Variants in KIR3DL2 observed in about 807,000 individuals in gnomAD.
KIR3DL2 encodes the protein killer cell immunoglobulin-like receptor 3DL2.
In KIR3DL2, 42 loss-of-function variants were observed where a neutral mutation model predicts 41.6. The ratio of observed to expected loss-of-function variants is 1.01; its 90% CI spans 0.79 to 1.31. The LOEUF is 1.31. KIR3DL2 is among the 50% of genes most tolerant of loss of function. KIR3DL2 has a pLI of 0.00. For synonymous variants in KIR3DL2, 230 were observed against 221.3 expected, an observed-to-expected ratio of 1.04 and a Z score of -0.35; for missense variants, 728 against 576.8, an observed-to-expected ratio of 1.26 and a Z score of -2.68.
chr19:54,864,836 G>C (rs35461725), intron 6 of KIR3DL2, among the ~76,000 whole-genome samples: 35,242 of 151,006 alleles, frequency 0.23, 4,565 homozygotes, highest in South Asian at 0.38. Flanking sequence ...TTTCCTAATT[G>C]AATACCCTTT....
intron 6 of KIR3DL2, among the ~76,000 whole-genome samples, chr19:54,864,841 C>T (rs1466611088): frequency 6.6e-6 from 1 of 151,744 alleles, no homozygotes; most frequent in Non-Finnish European, 1.5e-5. Context: ...TAATTGAATA[C>T]CCTTTATTTC....
chr19:54,852,163 G>C lies in KIR3DL2; in HGVS notation c.236G>C (p.Ser79Thr). 1 of 1,612,966 alleles carries C rather than the reference G, an allele frequency of 6.2e-7. No individual in the cohort carries two copies. The highest frequency in any genetic ancestry group is 8.5e-7 in the Non-Finnish European group (1 of 1,179,620). Residue 79 changes from serine (S) to threonine (T), a missense_variant, in exon 3 of 9, where the codon AGC (serine) becomes ACC (threonine). Coordinates refer to ENST00000326321, the MANE Select transcript of KIR3DL2 (RefSeq NM_006737.4). Reference protein sequence around the residue: ...PIFHGRIFQESFIMGPVTPAH... With the variant: ...PIFHGRIFQETFIMGPVTPAH... ...TTCCACGGCAGAATATTCCAGGAGA[G>C]CTTCATCATGGGCCCTGTGACCCCA...
At chr19:54,852,816 G>A (rs1446962902) in intron 3 of KIR3DL2, among the ~76,000 whole-genome samples, 1 of 151,014 alleles carries the variant, frequency 6.6e-6, no homozygotes, top group Non-Finnish European at 1.5e-5. Flanking sequence ...TCAGCACAGG[G>A]AGAACTGGAT....
At chr19:54,852,772 C>A (rs1226970925) in intron 3 of KIR3DL2, among the ~76,000 whole-genome samples, 1 of 150,366 alleles carries the variant, frequency 6.7e-6, no homozygotes, top group Non-Finnish European at 1.5e-5. Flanking sequence ...TGCTGAGTCT[C>A]CAGAGGGAAC....
At chr19:54,862,955 T>C (rs1435027157) in intron 6 of KIR3DL2, among the ~76,000 whole-genome samples, 3 of 148,402 alleles carry the variant, frequency 2.0e-5, no homozygotes, top group African/African-American at 4.9e-5. Flanking sequence ...GCTGCACCCA[T>C]CAACTCGTCA....
At chr19:54,862,802 C>CTTTTTTTTTTTTTTTT (rs1210198153) in intron 6 of KIR3DL2, among the ~76,000 whole-genome samples, 7 of 79,770 alleles carry the variant, frequency 8.8e-5, no homozygotes, top group Non-Finnish European at 1.2e-4. Flanking sequence ...TGGGTTACTT[C>CTTTTTTTTTTTTTTTT]TTTTTTTTTT....
chr19:54,855,045 G>GATA (rs1360686015), intron 4 of KIR3DL2, among the ~76,000 whole-genome samples: 1 of 84,454 alleles, frequency 1.2e-5, no homozygotes, highest in African/African-American at 4.6e-5. Flanking sequence ...ACATAGAGAT[G>GATA]ATGATGATGA....
chr19:54,852,330 C>G (rs1313381759), intron 3 of KIR3DL2, 48 bp downstream of exon 3: 2 of 1,587,222 alleles, frequency 1.3e-6, no homozygotes, highest in Non-Finnish European at 1.7e-6. Flanking sequence ...CTCCTGAATC[C>G]CAGAGCTTCT....
chr19:54,853,840 T>C lies in KIR3DL2; in HGVS notation c.449T>C (p.Phe150Ser), dbSNP rs770244847. 3.0e-5 allele frequency: 48 copies of C among 1,613,158 alleles called. No individual in the cohort carries two copies. Among genetic ancestry groups the C allele is most frequent in the Non-Finnish European group, 4.1e-5 (48 of 1,179,724 alleles). The change falls in exon 4 of 9, where the codon TTT (phenylalanine) becomes TCT (serine). Residue 150 changes from phenylalanine (F) to serine (S), a missense_variant. Phe to Ser is a radical substitution (Grantham distance 155). Transcript: ENST00000326321. ...VILQCWSDVM[F>S]EHFFLHREGI... ...CTGCAATGTTGGTCAGATGTCATGTTTGAGCACTTCTTTCTGCACAGAGAG... is the reference window on the plus strand; with the variant it reads ...CTGCAATGTTGGTCAGATGTCATGTCTGAGCACTTCTTTCTGCACAGAGAG...
intron 3 of KIR3DL2, 98 bp from the exon 4 acceptor site, chr19:54,853,649 G>A (rs1322766376): frequency 4.3e-6 from 6 of 1,389,170 alleles, no homozygotes; most frequent in Non-Finnish European, 6.0e-6. Flanking sequence ...AGGGAGGAGA[G>A]AGACAGACCT....
chr19:54,862,802 CTTTTTTTT>C (rs1210198153), intron 6 of KIR3DL2, among the ~76,000 whole-genome samples: 1 of 79,764 alleles, frequency 1.3e-5, no homozygotes, highest in Non-Finnish European at 2.3e-5. Flanking sequence ...TGGGTTACTT[CTTTTTTTT>C]TTTTTTTTTT....
rs752293511 is a variant in KIR3DL2, at chr19:54,858,373, C to G, written c.950-706C>G. On this transcript the variant is annotated intron_variant, in intron 5 of 8. Coordinates refer to ENST00000326321, the MANE Select transcript of KIR3DL2 (RefSeq NM_006737.4). ...CCTCTGCATGTAGATATCCAGTTTT[C>G]CCCACACCATTTATTGAAGACTGTC... 3.5e-3 allele frequency among the ~76,000 whole-genome samples: 522 copies of G among 150,406 alleles called. 6 individuals are homozygous for G. Among genetic ancestry groups the G allele is most frequent in the Middle Eastern group, 0.01 (3 of 294 alleles).
At chr19:54,864,061 A>T (rs2065351789) in intron 6 of KIR3DL2, among the ~76,000 whole-genome samples, 1 of 152,122 alleles carries the variant, frequency 6.6e-6, no homozygotes, top group Admixed American at 6.5e-5. Context: ...ATCCAGTTTC[A>T]GCTTTCTACC....
intron 3 of KIR3DL2, among the ~76,000 whole-genome samples, chr19:54,852,797 G>A (rs1427416486): frequency 4.0e-5 from 6 of 150,706 alleles, no homozygotes; most frequent in African/African-American, 1.5e-4. Flanking sequence ...CCCTGCAGAT[G>A]CCTTGATTTC....
chr19:54,861,626 G>A (rs562410589), intron 6 of KIR3DL2, among the ~76,000 whole-genome samples: 1 of 151,066 alleles, frequency 6.6e-6, no homozygotes, highest in South Asian at 2.1e-4. Context: ...ACCAGCCTGG[G>A]CTACACAGGG....
At chr19:54,859,572 G>A (rs1450589478) in intron 6 of KIR3DL2, among the ~76,000 whole-genome samples, 9 of 151,760 alleles carry the variant, frequency 5.9e-5, no homozygotes, top group Non-Finnish European at 1.0e-4. Context: ...GAGCCTTGCC[G>A]TAACAGAGAA....
In KIR3DL2 at chr19:54,857,774, G is replaced by C. The variant is rs370485809; in HGVS notation, c.950-1305G>C. The stretch of plus-strand genomic sequence containing the variant: ...TCCATGTTGGTCAGGCTGGTCTCCC[G>C]ACCTCAGGTGATCCGCCCACCTCCG... On this transcript the variant is annotated intron_variant, in intron 5 of 8. Coordinates refer to ENST00000326321, the MANE Select transcript of KIR3DL2 (RefSeq NM_006737.4). Among the ~76,000 whole-genome samples, 3 of 151,682 alleles carry C rather than the reference G, an allele frequency of 2.0e-5. 1 individual carries two copies. Among genetic ancestry groups the C allele is most frequent in the African/African-American group, 7.3e-5 (3 of 41,108 alleles).
At position 54,865,832 on chromosome 19, in the gene KIR3DL2, T is replaced by C. The variant is rs754444084; in HGVS notation, c.1028T>C (p.Ile343Thr). The change falls in exon 7 of 9, where the codon ATT becomes ACT. Residue 343 changes from isoleucine to threonine, a missense_variant. By Grantham distance (89) the Ile-to-Thr change is moderately conservative. Transcript: ENST00000326321. ...ATCTGCAGACACCTGCATGTTCTGA[T>C]TGGGACCTCAGTGGTCATCTTCCTC... ...SGICRHLHVL[I>T]GTSVVIFLFI... The C allele has an allele frequency of 8.7e-6, 14 of 1,613,652 alleles. No homozygotes were observed. Among genetic ancestry groups the C allele is most frequent in the Admixed American group, 3.3e-5 (2 of 60,006 alleles).
intron 3 of KIR3DL2, among the ~76,000 whole-genome samples, chr19:54,853,056 G>A (rs1239452563): frequency 2.0e-5 from 3 of 151,180 alleles, no homozygotes; most frequent in Non-Finnish European, 4.4e-5. Flanking sequence ...GTTGCAGTGA[G>A]CCAAGACAAC....
Sources: allele counts gnomAD v4.1 joint callset (sites outside exome capture counted in the v4.1 genomes callset), GRCh38; gene constraint gnomAD v4.1.1; transcripts MANE v1.5; gene names NCBI Gene and HGNC (gene_info 2026-07-23, HGNC 2026-07-21).